The following UBE2E3 variants were observed in gnomAD, a reference collection of about 807,000 sequenced individuals.
UBE2E3 encodes ubiquitin-conjugating enzyme E2 E3.
A neutral mutation model predicts 23.6 loss-of-function variants in UBE2E3; 5 were observed. The observed-to-expected ratio is 0.21, with a 90% CI of 0.11 to 0.44. The LOEUF is 0.44. UBE2E3 is among the 20% of genes least tolerant of loss of function. The pLI is 0.99. For missense variants in UBE2E3, 81 were observed against 249.8 expected, an observed-to-expected ratio of 0.32 and a Z score of 4.55; for synonymous variants, 78 against 87.5, an observed-to-expected ratio of 0.89 and a Z score of 0.60.
chr2:181,000,582 T>C (rs1574168989), intron 3 of UBE2E3, among the ~76,000 whole-genome samples: 1 of 143,572 alleles, frequency 7.0e-6, no homozygotes, highest in South Asian at 2.2e-4. Context: ...TGAGACAGAG[T>C]CTCGCTCTGT....
intron 1 of UBE2E3, chr2:180,981,413 G>C (rs1684288726): frequency 6.6e-6 from 1 of 152,232 alleles, no homozygotes; most frequent in Non-Finnish European, 1.5e-5. Context: ...CTTTTCCCAG[G>C]GTGGCAGCTC....
chr2:181,016,364 G>A (rs1233327327), intron 3 of UBE2E3, among the ~76,000 whole-genome samples: 1 of 152,030 alleles, frequency 6.6e-6, no homozygotes, highest in Non-Finnish European at 1.5e-5. Context: ...ACAGGCATGA[G>A]CCACCATGCT....
chr2:181,056,617 C>T (rs755728972), intron 3 of UBE2E3, among the ~76,000 whole-genome samples: 5 of 151,742 alleles, frequency 3.3e-5, no homozygotes, highest in Non-Finnish European at 7.4e-5. Flanking sequence ...AGGGATCTAC[C>T]CCTCTGACCC....
intron 3 of UBE2E3, among the ~76,000 whole-genome samples, chr2:181,020,950 C>T (rs1325467720): frequency 6.6e-6 from 1 of 152,056 alleles, no homozygotes; most frequent in Non-Finnish European, 1.5e-5. Context: ...AATTTTTATC[C>T]TTCCTGTTTT....
At chr2:180,990,274 AGT>A (rs1341844417) in intron 3 of UBE2E3, among the ~76,000 whole-genome samples, 4 of 152,224 alleles carry the variant, frequency 2.6e-5, no homozygotes, top group Admixed American at 6.5e-5. Flanking sequence ...GGTAGACGTC[AGT>A]GGTACTGCTG....
intron 3 of UBE2E3, among the ~76,000 whole-genome samples, chr2:181,028,357 T>C (rs1685964508): frequency 1.3e-5 from 2 of 152,094 alleles, no homozygotes; most frequent in South Asian, 4.1e-4. Flanking sequence ...CTATGAACAA[T>C]CGTACTGTGA....
intron 3 of UBE2E3, among the ~76,000 whole-genome samples, chr2:181,053,068 GTTCT>G (rs1553540298): frequency 6.6e-6 from 1 of 151,424 alleles, no homozygotes; most frequent in Non-Finnish European, 1.5e-5. Context: ...TTTTCCTCTC[GTTCT>G]TTGTGACCAG....
intron 4 of UBE2E3, among the ~76,000 whole-genome samples, chr2:181,058,767 A>G (rs1403351001): frequency 6.6e-6 from 1 of 151,800 alleles, no homozygotes; most frequent in Non-Finnish European, 1.5e-5. Flanking sequence ...TTTTGTGAAT[A>G]AAAGAGGGTT....
intron 2 of UBE2E3, among the ~76,000 whole-genome samples, chr2:180,983,072 C>T (rs1023295728): frequency 3.3e-5 from 5 of 152,094 alleles, no homozygotes; most frequent in Non-Finnish European, 5.9e-5. Flanking sequence ...AGTGGAATAT[C>T]CACAAACTCT....
At chr2:180,997,484 T>C (rs1255625790) in intron 3 of UBE2E3, among the ~76,000 whole-genome samples, 1 of 152,108 alleles carries the variant, frequency 6.6e-6, no homozygotes, top group Non-Finnish European at 1.5e-5. Context: ...CCTTAGTATT[T>C]AGTATTTCTT....
At chr2:180,992,816 C>T (rs898113629) in intron 3 of UBE2E3, among the ~76,000 whole-genome samples, 1 of 150,702 alleles carries the variant, frequency 6.6e-6, no homozygotes, top group Non-Finnish European at 1.5e-5. Flanking sequence ...CATGTGCCAC[C>T]ACACTCAACT....
chr2:181,031,455 T>C (rs1012324846), intron 3 of UBE2E3, among the ~76,000 whole-genome samples: 2 of 152,200 alleles, frequency 1.3e-5, no homozygotes, highest in African/African-American at 2.4e-5. Context: ...CAGTAGCATA[T>C]ATTTTTACCG....
intron 3 of UBE2E3, among the ~76,000 whole-genome samples, chr2:181,017,083 G>A (rs761720411): frequency 2.0e-5 from 3 of 152,232 alleles, no homozygotes; most frequent in Admixed American, 6.5e-5. Flanking sequence ...AAAACTGGAG[G>A]TGGAGACAGA....
chr2:181,000,125 A>C (rs530365937), intron 3 of UBE2E3, among the ~76,000 whole-genome samples: 219 of 152,332 alleles, frequency 1.4e-3, no homozygotes, highest in African/African-American at 5.1e-3. Flanking sequence ...TAGATGTATT[A>C]GATACATACA....
chr2:181,036,021 G>A (rs1297216448), intron 3 of UBE2E3, among the ~76,000 whole-genome samples: 1 of 152,158 alleles, frequency 6.6e-6, no homozygotes, highest in Non-Finnish European at 1.5e-5. Context: ...TTTCTTGAGT[G>A]GTATGTTTGA....
chr2:181,057,947 G>T, intron 4 of UBE2E3, 122 bp downstream of exon 4: 1 of 1,025,238 alleles, frequency 9.8e-7, no homozygotes, highest in Non-Finnish European at 1.4e-6. Flanking sequence ...GGATTGATAT[G>T]GAAATTTTCG....
At chr2:181,051,189 T>G (rs984763523) in intron 3 of UBE2E3, among the ~76,000 whole-genome samples, 1 of 151,874 alleles carries the variant, frequency 6.6e-6, no homozygotes, top group Admixed American at 6.6e-5. Flanking sequence ...ATAAATGGTA[T>G]TAAATTACAT....
At chr2:180,998,964 A>G (rs1277073228) in intron 3 of UBE2E3, among the ~76,000 whole-genome samples, 3 of 152,120 alleles carry the variant, frequency 2.0e-5, no homozygotes, top group African/African-American at 7.2e-5. Flanking sequence ...AGATATGCAG[A>G]TAAGATGTTT....
At chr2:181,011,098 ATTAG>A (rs1272489932) in intron 3 of UBE2E3, among the ~76,000 whole-genome samples, 4 of 150,946 alleles carry the variant, frequency 2.6e-5, no homozygotes, top group Non-Finnish European at 4.4e-5. Flanking sequence ...TTTTTTTTTA[ATTAG>A]TTAGAGCCAG....
Sources: allele counts gnomAD v4.1 joint callset (sites outside exome capture counted in the v4.1 genomes callset), GRCh38; gene constraint gnomAD v4.1.1; transcripts MANE v1.5; gene names NCBI Gene and HGNC (gene_info 2026-07-23, HGNC 2026-07-21).